DPH6: variants seen among roughly 807,000 people sequenced by gnomAD.
DPH6 encodes diphthamine biosynthesis 6.
A neutral mutation model predicts 38.2 loss-of-function variants in DPH6; 33 were observed. The ratio of observed to expected loss-of-function variants is 0.86; its 90% CI spans 0.65 to 1.15. DPH6 has a LOEUF of 1.15. DPH6 is among the 50% of genes most tolerant of loss of function. The pLI, the probability that DPH6 is intolerant of heterozygous loss-of-function variation, is 0.00. For missense variants in DPH6, 325 were observed against 320.0 expected, an observed-to-expected ratio of 1.02 and a Z score of -0.12; for synonymous variants, 108 against 103.0, an observed-to-expected ratio of 1.05 and a Z score of -0.30.
At chr15:35,350,948 T>G (rs930331849) in intron 3 of DPH6, among the ~76,000 whole-genome samples, 1 of 152,202 alleles carries the variant, frequency 6.6e-6, no homozygotes, top group Admixed American at 6.5e-5. Flanking sequence ...GACCAATTTG[T>G]CTAGAGTGTT....
At chr15:35,235,100 T>C (rs1273567625) in intron 3 of DPH6, among the ~76,000 whole-genome samples, 1 of 152,236 alleles carries the variant, frequency 6.6e-6, no homozygotes, top group East Asian at 1.9e-4. Flanking sequence ...CAGTGCTCTG[T>C]CCAGAAGCCC....
Position 35,454,746 on chromosome 15 carries a change from C to T in DPH6, c.386+1G>A, listed in dbSNP as rs1445040371. ...AAACTAACAAATTAATGTTTTCTTA[C>T]ACATTTTCCACTCGAATACGCTGAT... On this transcript the variant is annotated splice_donor_variant, in intron 4 of 8. Coordinates refer to ENST00000256538, the MANE Select transcript of DPH6 (RefSeq NM_080650.4). LOFTEE classifies it high-confidence loss of function. The T allele has an allele frequency of 1.2e-6, 2 of 1,605,360 alleles. No homozygotes were observed. The highest frequency in any genetic ancestry group is 3.4e-5 in the Admixed American group (2 of 58,926).
rs557054575 is a variant in DPH6 at position 35,475,290 on chromosome 15, C to T, written c.313-20470G>A. ...ATGTGATTTTCTAGTTTAATAGTCA[C>T]ATATCAACTGTAAGGCAGATCTAGA... On this transcript the variant is annotated intron_variant, in intron 3 of 8. Coordinates refer to ENST00000256538, the MANE Select transcript of DPH6 (RefSeq NM_080650.4). 3.3e-5 allele frequency among the ~76,000 whole-genome samples: 5 copies of T among 152,114 alleles called. No homozygotes were observed. In the East Asian group the frequency reaches 7.7e-4, roughly 24 times the overall value.
At chr15:35,296,053 C>T (rs552768006) in intron 3 of DPH6, among the ~76,000 whole-genome samples, 4 of 151,914 alleles carry the variant, frequency 2.6e-5, no homozygotes, top group African/African-American at 9.7e-5. Flanking sequence ...CATTCTCTTG[C>T]CTCAGCCTCC....
At chr15:35,325,618 AAAC>A (rs1476608254) in intron 3 of DPH6, among the ~76,000 whole-genome samples, 6 of 150,150 alleles carry the variant, frequency 4.0e-5, no homozygotes, top group African/African-American at 1.5e-4. Flanking sequence ...TCTGGAAGGT[AAAC>A]AATAAACTTT....
intron 5 of DPH6, among the ~76,000 whole-genome samples, chr15:35,414,731 TTC>T (rs146940447): frequency 0.03 from 4,589 of 151,818 alleles, 235 homozygotes; most frequent in African/African-American, 0.11. Context: ...GAATTACTTT[TTC>T]TCTTTTTTTT....
At chr15:35,224,100 G>GTTTTTTTTTTTTT (rs142813866) in intron 3 of DPH6, among the ~76,000 whole-genome samples, 5 of 88,908 alleles carry the variant, frequency 5.6e-5, no homozygotes, top group South Asian at 4.6e-4. Context: ...CATGATTTTA[G>GTTTTTTTTTTTTT]TTTTTTTTTT....
At chr15:35,260,487 TAAATA>T (rs1387223060) in intron 3 of DPH6, among the ~76,000 whole-genome samples, 3 of 150,690 alleles carry the variant, frequency 2.0e-5, no homozygotes, top group African/African-American at 7.3e-5. Context: ...AATGTTAAAT[TAAATA>T]ATTTATTATT....
chr15:35,464,330 T>G (rs2054102429), intron 3 of DPH6, among the ~76,000 whole-genome samples: 1 of 151,348 alleles, frequency 6.6e-6, no homozygotes, highest in Non-Finnish European at 1.5e-5. Context: ...GTGACATAAG[T>G]CTATATACAT....
chr15:35,269,456 T>G (rs536587639), intron 3 of DPH6, among the ~76,000 whole-genome samples: 45 of 152,266 alleles, frequency 3.0e-4, no homozygotes, highest in African/African-American at 1.1e-3. Context: ...ATTTTAGGAC[T>G]TCATTTTATT....
intron 5 of DPH6, among the ~76,000 whole-genome samples, chr15:35,423,668 T>G (rs1388684254): frequency 1.3e-5 from 2 of 151,758 alleles, no homozygotes; most frequent in African/African-American, 4.8e-5. Context: ...GTTTTACATT[T>G]TTGGGTCTTG....
rs533631218 is a variant in DPH6 at position 35,530,630 on chromosome 15, C to T, written c.312+7644G>A. On this transcript the variant is annotated intron_variant, in intron 3 of 8. Coordinates refer to ENST00000256538, the MANE Select transcript of DPH6 (RefSeq NM_080650.4). ...GGAGAAAAGTTCAAGGTTGAAGAGA[C>T]AGAATGATGATTTTGCCAAAATGAG... Among the ~76,000 whole-genome samples the T allele has an allele frequency of 3.9e-5, 6 of 152,242 alleles. No individual in the cohort carries two copies. The East Asian group carries it at 7.7e-4, about 20-fold the overall frequency.
intron 6 of DPH6, among the ~76,000 whole-genome samples, chr15:35,394,644 G>C (rs1030996943): frequency 7.2e-5 from 11 of 152,124 alleles, no homozygotes; most frequent in African/African-American, 2.7e-4. Flanking sequence ...TTCAAATCCT[G>C]GCTGTCACTT....
chr15:35,330,673 G>A (rs1159457529), downstream of DPH6: 2 of 152,100 alleles, frequency 1.3e-5, no homozygotes, highest in Admixed American at 1.3e-4. Context: ...AGGAGCCTTG[G>A]TTATTTGCAT....
intron 4 of DPH6, among the ~76,000 whole-genome samples, chr15:35,452,491 CTCTCTCT>C (rs2053948619): frequency 5.8e-5 from 1 of 17,140 alleles, no homozygotes; most frequent in African/African-American, 7.7e-5. Context: ...ATTGATCTCT[CTCTCTCT>C]CTCTCTCTCT....
At chr15:35,496,567 A>AAAAAATATATATATATATATATATATAT in intron 3 of DPH6, among the ~76,000 whole-genome samples, 20 of 31,000 alleles carry the variant, frequency 6.5e-4, no homozygotes, top group Non-Finnish European at 9.5e-4. Flanking sequence ...AAAAAAAAAA[A>AAAAAATATATATATATATATATATATAT]ATATATATAT....
the DPH6 span, among the ~76,000 whole-genome samples, chr15:35,164,483 CT>C: frequency 1.3e-5 from 2 of 151,576 alleles, no homozygotes; most frequent in East Asian, 3.9e-4. Context: ...AAAAAAAAAA[CT>C]GTAAGTATCA....
intron 3 of DPH6, among the ~76,000 whole-genome samples, chr15:35,229,107 T>C (rs756454682): frequency 4.6e-5 from 7 of 152,148 alleles, no homozygotes; most frequent in African/African-American, 1.7e-4. Context: ...GTTTGAAAAA[T>C]TCTCTGTTAT....
chr15:35,536,971 A>G (rs905556873), intron 3 of DPH6, among the ~76,000 whole-genome samples: 1 of 152,046 alleles, frequency 6.6e-6, no homozygotes, highest in African/African-American at 2.4e-5. Flanking sequence ...AAAAGTGTCT[A>G]CTTCTTATGC....
Sources: gnomAD v4.1 joint callset for allele counts (sites outside exome capture counted in the v4.1 genomes callset) on GRCh38, gnomAD v4.1.1 for gene constraint, MANE v1.5 for transcripts, NCBI Gene and HGNC (gene_info 2026-07-23, HGNC 2026-07-21) for gene names.